Variants in ATP2A1 observed in about 807,000 individuals in gnomAD.
ATP2A1 encodes ATPase sarcoplasmic/endoplasmic reticulum Ca2+ transporting 1.
In ATP2A1, 83 loss-of-function variants were observed where a neutral mutation model predicts 109.5. The observed-to-expected ratio is 0.76, with a 90% CI of 0.63 to 0.91. ATP2A1 has a LOEUF of 0.91. ATP2A1 is among the 40% of genes least tolerant of loss of function. ATP2A1 has a pLI of 0.00. For missense variants in ATP2A1, 1,101 were observed against 1,341.0 expected (o/e 0.82, Z 2.80); for synonymous variants, 505 against 537.6 (o/e 0.94, Z 0.84).
In ATP2A1 at chr16:28,882,501, G is replaced by A. The variant is rs1157663792; in HGVS notation, c.375G>A (p.Glu125=). ...AIEALKEYEP[E]MGKVYRADRK... is the part of the protein sequence containing the mutation. Reference sequence around the variant, plus strand: ...AGGCCCTGAAGGAGTATGAGCCAGAGATGGGGAAGGTCTACCGGGCTGACC... The same window carrying A: ...AGGCCCTGAAGGAGTATGAGCCAGAAATGGGGAAGGTCTACCGGGCTGACC... The change falls in exon 5 of 23, where the codon GAG becomes GAA. Residue 125 remains glutamate, a synonymous_variant. Coordinates refer to ENST00000395503, the MANE Select transcript of ATP2A1 (RefSeq NM_004320.6). The A allele has an allele frequency of 1.2e-6, 2 of 1,614,252 alleles. No individual in the cohort carries two copies.
intron 10 of ATP2A1, 92 bp from the exon 11 acceptor site, chr16:28,894,413 T>A (rs1287531420): frequency 7.3e-7 from 1 of 1,363,604 alleles, no homozygotes; most frequent in East Asian, 2.5e-5. Context: ...TTCCTTACCC[T>A]CTGCTGCCTG....
Position 28,884,586 on chromosome 16 carries a change from G to A in ATP2A1, c.475G>A (p.Val159Ile). ...DIVEVAVGDK[V>I]PADIRILAIK... Reference sequence around the variant, plus strand: ...TACTCTCTCCACAGTGGGGGACAAAGTCCCTGCAGACATCCGAATCCTCGC... The same window carrying A: ...TACTCTCTCCACAGTGGGGGACAAAATCCCTGCAGACATCCGAATCCTCGC... The change falls in exon 6 of 23, where the codon GTC becomes ATC. Residue 159 changes from valine (V) to isoleucine (I), a missense_variant. By Grantham distance (29) the Val-to-Ile change is conservative. Coordinates refer to ENST00000395503, the MANE Select transcript of ATP2A1 (RefSeq NM_004320.6). 1 of 1,613,730 alleles carries A rather than the reference G, an allele frequency of 6.2e-7. No homozygotes were observed.
intron 12 of ATP2A1, among the ~76,000 whole-genome samples, chr16:28,896,234 T>TTGTC (rs779804698): frequency 2.0e-5 from 3 of 151,764 alleles, no homozygotes; most frequent in African/African-American, 4.9e-5. Context: ...GTTTGTTTGT[T>TTGTC]TGTCTGTCTG....
rs753870245 is a variant in ATP2A1 at position 28,902,828 on chromosome 16, C to T, written c.2661C>T (p.Asp887=). The T allele has an allele frequency of 1.2e-6, 2 of 1,613,942 alleles. No homozygotes were observed. The highest frequency in any genetic ancestry group is 1.7e-6 in the Non-Finnish European group (2 of 1,179,920). ...ACAACACCCACTTTGAGGGCATAGACTGTGAGGTCTTCGAGGCCCCCGAGC... is the reference window on the plus strand; with the variant it reads ...ACAACACCCACTTTGAGGGCATAGATTGTGAGGTCTTCGAGGCCCCCGAGC... ...TEDNTHFEGI[D]CEVFEAPEPM... The change falls in exon 19 of 23, where the codon GAC becomes GAT. Residue 887 remains aspartate (D), a synonymous_variant. Coordinates refer to ENST00000395503, the MANE Select transcript of ATP2A1 (RefSeq NM_004320.6). This position sits in a 1 kb window ranked among gnomAD's most constrained non-coding sequence, Gnocchi z 4.8.
chr16:28,898,138 A>G lies in ATP2A1; in HGVS notation c.1545+13A>G. The G allele has an allele frequency of 6.2e-7, 1 of 1,614,070 alleles. No individual in the cohort carries two copies. The highest frequency in any genetic ancestry group is 1.1e-5 in the South Asian group (1 of 91,080). ...GATGTTTGTCAAGGTCAGAAATCGG[A>G]ATGTGCCTCAGCCCCCTCTTCTTCC... On this transcript the variant is annotated intron_variant, in intron 13 of 22. Transcript: ENST00000395503. This position sits in a 1 kb window ranked among gnomAD's most constrained non-coding sequence, Gnocchi z 4.0.
intron 9 of ATP2A1, among the ~76,000 whole-genome samples, chr16:28,891,491 G>A (rs1963772297): frequency 6.6e-6 from 1 of 151,786 alleles, no homozygotes; most frequent in Admixed American, 6.6e-5. Context: ...TACTTGGGAG[G>A]CTGAGGCAGG....
intron 15 of ATP2A1, 39 bp downstream of exon 15, chr16:28,900,955 G>A (rs1190819806): frequency 1.2e-6 from 2 of 1,611,022 alleles, no homozygotes; most frequent in Admixed American, 1.7e-5. Context: ...AGTGTCCACG[G>A]AGATGACCAG....
rs1347629019 is a variant in ATP2A1, at chr16:28,879,517, G to C, written c.153G>C (p.Glu51Asp). 1 of 1,614,044 alleles carries C rather than the reference G, an allele frequency of 6.2e-7. No homozygotes were observed. The highest frequency in any genetic ancestry group is 8.5e-7 in the Non-Finnish European group (1 of 1,180,010). ...CTCCCCCAGGGAAGACCCTGTGGGAGCTGGTGATAGAGCAGTTTGAAGACC... is the reference window on the plus strand; with the variant it reads ...CTCCCCCAGGGAAGACCCTGTGGGACCTGGTGATAGAGCAGTTTGAAGACC... ...LPAEEGKTLW[E>D]LVIEQFEDLL... is the part of the protein sequence containing the mutation. The change falls in exon 3 of 23, where the codon GAG becomes GAC. Residue 51 changes from glutamate (E) to aspartate (D), a missense_variant. Physicochemically the swap from Glu to Asp is conservative, Grantham distance 45. Transcript: ENST00000395503.
At chr16:28,888,153 C>T (rs1272820259) in intron 8 of ATP2A1, among the ~76,000 whole-genome samples, 4 of 151,924 alleles carry the variant, frequency 2.6e-5, no homozygotes, top group African/African-American at 9.7e-5. Flanking sequence ...CTGCCTCTGC[C>T]TCCCAAGTAG....
At chr16:28,897,415 A>G (rs1596681017) in intron 12 of ATP2A1, among the ~76,000 whole-genome samples, 1 of 152,158 alleles carries the variant, frequency 6.6e-6, no homozygotes, top group Non-Finnish European at 1.5e-5. Context: ...AGGCAGGAGG[A>G]TTGCCAGAGC....
At chr16:28,897,973 G>GGTCTC (rs777768623) in intron 12 of ATP2A1, 27 bp from the exon 13 acceptor site, 1 of 1,613,802 alleles carries the variant, frequency 6.2e-7, no homozygotes, top group Non-Finnish European at 8.5e-7. Context: ...TAAGAGGACT[G>GGTCTC]GTCTCCCCTC....
chr16:28,892,687 T>C (rs1963805720), intron 9 of ATP2A1: 1 of 152,648 alleles, frequency 6.6e-6, no homozygotes, highest in Admixed American at 6.6e-5. Context: ...GGCACTGCGT[T>C]CTCCACATCC....
intron 3 of ATP2A1, 64 bp downstream of exon 3, chr16:28,879,647 G>A: frequency 6.5e-7 from 1 of 1,532,632 alleles, no homozygotes; most frequent in Non-Finnish European, 8.9e-7. Context: ...GCGAATGCGG[G>A]GCTCGCAGTC....
chr16:28,892,744 GGCTCCTGTCATGTTTC>G (rs1318730335), intron 9 of ATP2A1: 1 of 152,232 alleles, frequency 6.6e-6, no homozygotes, highest in Non-Finnish European at 1.5e-5. Flanking sequence ...CGTGTGACTT[GGCTCCTGTCATGTTTC>G]ATAAAAATGA....
chr16:28,902,660 C>T lies in ATP2A1; in HGVS notation c.2605C>T (p.Gln869Ter). ...AEDGPHVNYS[Q>*]LTHFMQCTED... is the part of the protein sequence containing the mutation. The stretch of plus-strand genomic sequence containing the variant: ...GGATGGGCCTCATGTCAACTACAGC[C>T]AGCTGGTAGGGGGAGGCCACAAAGG... The change falls in exon 18 of 23, where the codon CAG (glutamine) becomes TAG (stop). Residue 869 changes from glutamine to a stop codon, truncating the protein, a stop_gained. Coordinates refer to ENST00000395503, the MANE Select transcript of ATP2A1 (RefSeq NM_004320.6). LOFTEE classifies it high-confidence loss of function. The surrounding 1 kb of genome is among the most constrained non-coding windows in gnomAD (Gnocchi z 4.8). The T allele has an allele frequency of 6.2e-7, 1 of 1,614,070 alleles. No individual in the cohort carries two copies. The highest frequency in any genetic ancestry group is 8.5e-7 in the Non-Finnish European group (1 of 1,179,974).
Position 28,882,432 on chromosome 16 carries a change from C to T in ATP2A1, c.325-19C>T, listed in dbSNP as rs1268579619. ...TGCCTCCTGTGTATAACCCTGCCTCCTCCACCCTGTCTCCTCAGGAGCGGA... is the reference window on the plus strand; with the variant it reads ...TGCCTCCTGTGTATAACCCTGCCTCTTCCACCCTGTCTCCTCAGGAGCGGA... On this transcript the variant is annotated intron_variant, in intron 4 of 22. Transcript: ENST00000395503. 1.2e-6 allele frequency: 2 copies of T among 1,614,024 alleles called. No homozygotes were observed. Among genetic ancestry groups the T allele is most frequent in the Admixed American group, 1.7e-5 (1 of 60,006 alleles).
chr16:28,896,703 G>A (rs984432999), intron 12 of ATP2A1, among the ~76,000 whole-genome samples: 1 of 149,438 alleles, frequency 6.7e-6, no homozygotes, highest in African/African-American at 2.5e-5. Context: ...GAGCCACTGC[G>A]CCTGGCCTTC....
chr16:28,900,415 C>T (rs1964038531), intron 14 of ATP2A1, among the ~76,000 whole-genome samples, 166 bp from the exon 15 acceptor site: 1 of 152,098 alleles, frequency 6.6e-6, no homozygotes, highest in Non-Finnish European at 1.5e-5. Flanking sequence ...CAAGGCCCCA[C>T]TGAGGTCTGA....
chr16:28,882,945 T>TG (rs1963526996), intron 5 of ATP2A1, among the ~76,000 whole-genome samples: 1 of 152,196 alleles, frequency 6.6e-6, no homozygotes, highest in South Asian at 2.1e-4. Context: ...ACCCCAAGCT[T>TG]GGTCAGCTTT....
Sources: allele counts gnomAD v4.1 joint callset (sites outside exome capture counted in the v4.1 genomes callset), GRCh38; gene constraint gnomAD v4.1.1; non-coding constraint Gnocchi (gnomAD v3.1); transcripts MANE v1.5; gene names NCBI Gene and HGNC (gene_info 2026-07-23, HGNC 2026-07-21).